The following CDC42SE2 variants were observed in gnomAD, a reference collection of about 807,000 sequenced individuals.
CDC42SE2 encodes CDC42 small effector protein 2.
Under a neutral mutation model 11.5 loss-of-function variants are expected in CDC42SE2, and 3 were observed. That is an observed-to-expected ratio of 0.26 (90% CI 0.12 to 0.67). CDC42SE2 has a LOEUF of 0.67. Ranked by LOEUF, CDC42SE2 falls within the 30% of genes least tolerant of loss-of-function variation. The pLI, the probability that CDC42SE2 is intolerant of heterozygous loss-of-function variation, is 0.80. For synonymous variants in CDC42SE2, 33 were observed against 34.8 expected (o/e 0.95, Z 0.18); for missense variants, 82 against 106.8 (o/e 0.77, Z 1.02).
rs111751453 is a variant in CDC42SE2 at position 131,305,292 on chromosome 5, T to C, written c.-454-10684T>C. Among the ~76,000 whole-genome samples the C allele has an allele frequency of 7.4e-3, 1,120 of 152,318 alleles. 11 individuals are homozygous for C. Among genetic ancestry groups the C allele is most frequent in the African/African-American group, 0.026 (1,072 of 41,570 alleles). Reference sequence around the variant, plus strand: ...TGTCTCTATGTTAAAAGAAAAACTTTAGACAATGTAAATGTGGCAGAATTT... The same window carrying C: ...TGTCTCTATGTTAAAAGAAAAACTTCAGACAATGTAAATGTGGCAGAATTT... On this transcript the variant is annotated intron_variant, in intron 1 of 4. Coordinates refer to ENST00000505065, the MANE Select transcript of CDC42SE2 (RefSeq NM_001375635.1).
chr5:131,272,989 T>C (rs1757025237), intron 1 of CDC42SE2, among the ~76,000 whole-genome samples: 1 of 152,130 alleles, frequency 6.6e-6, no homozygotes, highest in Non-Finnish European at 1.5e-5. Context: ...CTGTTTTCAG[T>C]TTCTTTTGTT....
intron 4 of CDC42SE2, among the ~76,000 whole-genome samples, chr5:131,388,471 T>G (rs1750554481): frequency 6.6e-6 from 1 of 152,252 alleles, no homozygotes; most frequent in South Asian, 2.1e-4. Context: ...GCTTGACGCA[T>G]ATGAAACAGG....
At chr5:131,263,731 T>TC (rs1756783450), upstream of CDC42SE2, 1 of 147,032 alleles carries the variant, frequency 6.8e-6, no homozygotes, top group South Asian at 2.3e-4. Flanking sequence ...GGGAAGGGGC[T>TC]CCCCCACGCT....
chr5:131,339,733 C>T (rs181682329), intron 2 of CDC42SE2, among the ~76,000 whole-genome samples: 4 of 151,454 alleles, frequency 2.6e-5, no homozygotes, highest in Admixed American at 2.0e-4. Flanking sequence ...TTGCTTGAAC[C>T]CAGGAGGTGG....
intron 1 of CDC42SE2, among the ~76,000 whole-genome samples, chr5:131,278,840 A>G (rs189919012): frequency 2.7e-4 from 33 of 123,050 alleles, no homozygotes; most frequent in African/African-American, 9.6e-4. Flanking sequence ...GCTAGAGTGC[A>G]GTGGCTTGGT....
chr5:131,305,369 G>A (rs1757759373), intron 1 of CDC42SE2, among the ~76,000 whole-genome samples: 1 of 152,172 alleles, frequency 6.6e-6, no homozygotes, highest in African/African-American at 2.4e-5. Flanking sequence ...ACCAGAAAAG[G>A]TTCAGAGAGC....
At chr5:131,364,992 G>GA (rs540215005) in intron 3 of CDC42SE2, among the ~76,000 whole-genome samples, 175 of 152,134 alleles carry the variant, frequency 1.2e-3, no homozygotes, top group African/African-American at 4.0e-3. Flanking sequence ...AGACATTTTA[G>GA]AAAACATCAA....
intron 1 of CDC42SE2, among the ~76,000 whole-genome samples, chr5:131,307,856 G>C (rs1292791683): frequency 6.6e-6 from 1 of 152,126 alleles, no homozygotes; most frequent in Non-Finnish European, 1.5e-5. Flanking sequence ...TTGGCTGCAT[G>C]AATGTCTTCT....
intron 1 of CDC42SE2, among the ~76,000 whole-genome samples, chr5:131,246,322 G>C (rs1756581894): frequency 6.6e-6 from 1 of 152,094 alleles, no homozygotes; most frequent in African/African-American, 2.4e-5. Flanking sequence ...TGGGAGTGGT[G>C]GTGGGCACCT....
chr5:131,369,504 G>C (rs1311746107), intron 3 of CDC42SE2, among the ~76,000 whole-genome samples: 1 of 152,150 alleles, frequency 6.6e-6, no homozygotes, highest in Admixed American at 6.5e-5. Context: ...AATTCTTTTA[G>C]ACTTGATGTT....
At chr5:131,297,636 C>T (rs907115199) in intron 1 of CDC42SE2, among the ~76,000 whole-genome samples, 33 of 151,994 alleles carry the variant, frequency 2.2e-4, no homozygotes, top group African/African-American at 8.0e-4. Flanking sequence ...AGGAGAATGG[C>T]GTGAACCCGG....
chr5:131,286,486 C>T (rs1418798395), intron 1 of CDC42SE2, among the ~76,000 whole-genome samples: 1 of 144,378 alleles, frequency 6.9e-6, no homozygotes, highest in Admixed American at 7.2e-5. Flanking sequence ...CCAACTATTT[C>T]ATGACTAGCC....
At chr5:131,333,379 A>G (rs1427972695) in intron 2 of CDC42SE2, among the ~76,000 whole-genome samples, 1 of 152,146 alleles carries the variant, frequency 6.6e-6, no homozygotes, top group East Asian at 1.9e-4. Flanking sequence ...GCCTTGTAGT[A>G]TAGTTTGAAG....
intron 2 of CDC42SE2, among the ~76,000 whole-genome samples, chr5:131,353,924 A>AG (rs1749454561): frequency 6.6e-6 from 1 of 151,732 alleles, no homozygotes; most frequent in South Asian, 2.1e-4. Flanking sequence ...AAAAAAAAAA[A>AG]TTATCGTTTA....
intron 3 of CDC42SE2, among the ~76,000 whole-genome samples, chr5:131,379,746 T>C (rs1358857322): frequency 1.3e-5 from 2 of 152,198 alleles, no homozygotes; most frequent in African/African-American, 4.8e-5. Context: ...GCAAGGATTA[T>C]TCAGATGGTT....
At chr5:131,366,685 AG>A (rs1749866935) in intron 3 of CDC42SE2, among the ~76,000 whole-genome samples, 1 of 152,198 alleles carries the variant, frequency 6.6e-6, no homozygotes, top group Non-Finnish European at 1.5e-5. Flanking sequence ...AATCTTTAAA[AG>A]AAAAATTAAA....
At chr5:131,349,484 TATAATA>T (rs1281618694) in intron 2 of CDC42SE2, among the ~76,000 whole-genome samples, 32 of 152,174 alleles carry the variant, frequency 2.1e-4, no homozygotes, top group Admixed American at 2.1e-3. Context: ...GTACTTAAAG[TATAATA>T]ATAATAAAAA....
intron 2 of CDC42SE2, among the ~76,000 whole-genome samples, chr5:131,350,520 T>C (rs944715747): frequency 2.6e-5 from 4 of 152,036 alleles, no homozygotes; most frequent in Non-Finnish European, 4.4e-5. Flanking sequence ...TAATCTGTTA[T>C]GAAAATTGAC....
intron 2 of CDC42SE2, among the ~76,000 whole-genome samples, chr5:131,355,335 AAT>A: frequency 6.6e-6 from 1 of 152,132 alleles, no homozygotes; most frequent in Middle Eastern, 3.4e-3. Flanking sequence ...AAGTTAGCCA[AAT>A]GTGGTGGCAT....
Sources: allele counts gnomAD v4.1 joint callset (sites outside exome capture counted in the v4.1 genomes callset), GRCh38; gene constraint gnomAD v4.1.1; transcripts MANE v1.5; gene names NCBI Gene and HGNC (gene_info 2026-07-23, HGNC 2026-07-21).